Variants in KCNT2 observed in about 807,000 individuals in gnomAD.
KCNT2 encodes potassium sodium-activated channel subfamily T member 2.
Under a neutral mutation model 153.8 loss-of-function variants are expected in KCNT2, and 67 were observed. The observed-to-expected ratio is 0.44, with a 90% CI of 0.36 to 0.53. The LOEUF is 0.53. Among genes scored for constraint, KCNT2 ranks in the 20% least tolerant of loss-of-function variants. The pLI, the probability that KCNT2 is intolerant of heterozygous loss-of-function variation, is 0.00. For synonymous variants in KCNT2, 500 were observed against 458.8 expected (o/e 1.09, Z -1.15); for missense variants, 975 against 1,354.8 (o/e 0.72, Z 4.40).
At chr1:196,431,326 T>A (rs917820623) in intron 8 of KCNT2, among the ~76,000 whole-genome samples, 5 of 151,962 alleles carry the variant, frequency 3.3e-5, no homozygotes, top group African/African-American at 1.2e-4. Context: ...AATTGGGTAA[T>A]GGGTAGAGGT....
chr1:196,422,285 TC>T (rs1234703175), intron 12 of KCNT2, among the ~76,000 whole-genome samples: 2 of 151,928 alleles, frequency 1.3e-5, no homozygotes, highest in African/African-American at 4.8e-5. Context: ...ACCTGAAAGA[TC>T]TATGCACAGT....
At chr1:196,260,971 C>G (rs1420435515) in intron 25 of KCNT2, among the ~76,000 whole-genome samples, 2 of 151,658 alleles carry the variant, frequency 1.3e-5, no homozygotes, top group Non-Finnish European at 3.0e-5. Context: ...TCCACAATAT[C>G]AATAACACTA....
intron 8 of KCNT2, among the ~76,000 whole-genome samples, chr1:196,438,575 G>A (rs538283000): frequency 7.2e-5 from 11 of 151,938 alleles, no homozygotes; most frequent in Admixed American, 5.3e-4. Context: ...GTTGACCTTT[G>A]GAGGGTTGAC....
At chr1:196,298,158 C>G (rs1028222239) in intron 22 of KCNT2, among the ~76,000 whole-genome samples, 5 of 152,074 alleles carry the variant, frequency 3.3e-5, no homozygotes, top group Non-Finnish European at 7.4e-5. Context: ...TGTTTGCATT[C>G]TGACATAAAT....
rs189178639 is a variant in KCNT2, at chr1:196,339,151, C to T, written c.1783+1190G>A. ...TTTAGACAGAGGAATAATCAGTTTACGGACAATAGAATCCATGAGAACAGA... is the reference window on the plus strand; with the variant it reads ...TTTAGACAGAGGAATAATCAGTTTATGGACAATAGAATCCATGAGAACAGA... On this transcript the variant is annotated intron_variant, in intron 16 of 27. Coordinates refer to ENST00000294725, the MANE Select transcript of KCNT2 (RefSeq NM_198503.5). Among the ~76,000 whole-genome samples, 149 of 151,790 alleles carry T rather than the reference C, an allele frequency of 9.8e-4. 1 individual carries two copies. Among genetic ancestry groups the T allele is most frequent in the African/African-American group, 3.4e-3 (140 of 41,410 alleles).
At chr1:196,241,066 C>T (rs573123116) in intron 26 of KCNT2, among the ~76,000 whole-genome samples, 1 of 151,830 alleles carries the variant, frequency 6.6e-6, no homozygotes, top group South Asian at 2.1e-4. Context: ...GAAAGGAAGA[C>T]AGAGAAAGAG....
intron 8 of KCNT2, among the ~76,000 whole-genome samples, chr1:196,455,593 T>C (rs752067170): frequency 2.0e-5 from 3 of 152,170 alleles, no homozygotes; most frequent in Middle Eastern, 6.8e-3. Context: ...ATAGTATTGA[T>C]TAGTTATTCC....
chr1:196,251,180 A>AT (rs1225677673), intron 26 of KCNT2, among the ~76,000 whole-genome samples: 1 of 152,178 alleles, frequency 6.6e-6, no homozygotes, highest in Non-Finnish European at 1.5e-5. Context: ...TGTATTCACA[A>AT]TAGCCAAGAT....
chr1:196,254,646 T>C lies in KCNT2; in HGVS notation c.3211+3548A>G, dbSNP rs550026668. Reference sequence around the variant, plus strand: ...AAAACAGAAGATGATGGTCTTATTATTACTACTACCACCATCACCACTACT... The same window carrying C: ...AAAACAGAAGATGATGGTCTTATTACTACTACTACCACCATCACCACTACT... On this transcript the variant is annotated intron_variant, in intron 26 of 27. Coordinates refer to ENST00000294725, the MANE Select transcript of KCNT2 (RefSeq NM_198503.5). Among the ~76,000 whole-genome samples, 9 of 151,526 alleles carry C rather than the reference T, an allele frequency of 5.9e-5. 1 individual carries two copies. The South Asian group carries it at 1.9e-3, about 31-fold the overall frequency.
intron 5 of KCNT2, among the ~76,000 whole-genome samples, chr1:196,477,838 T>G (rs1028682099): frequency 6.6e-6 from 1 of 152,202 alleles, no homozygotes; most frequent in African/African-American, 2.4e-5. Flanking sequence ...ACCCTGGTGA[T>G]TAACCCATGC....
At chr1:196,304,246 C>A (rs1184737440) in intron 22 of KCNT2, among the ~76,000 whole-genome samples, 2 of 152,146 alleles carry the variant, frequency 1.3e-5, no homozygotes, top group Non-Finnish European at 1.5e-5. Flanking sequence ...AGGACAGCAT[C>A]TGGTCTGTCA....
intron 14 of KCNT2, among the ~76,000 whole-genome samples, chr1:196,372,441 A>G (rs1668618200): frequency 6.6e-6 from 1 of 151,948 alleles, no homozygotes; most frequent in African/African-American, 2.4e-5. Flanking sequence ...GAAATATGAC[A>G]AGATATGAAA....
At chr1:196,484,087 T>G (rs1339661636) in intron 3 of KCNT2, among the ~76,000 whole-genome samples, 1 of 152,108 alleles carries the variant, frequency 6.6e-6, no homozygotes, top group Non-Finnish European at 1.5e-5. Flanking sequence ...GTTACTATAT[T>G]GTCAAGTAGG....
intron 14 of KCNT2, among the ~76,000 whole-genome samples, chr1:196,357,129 A>G (rs1667240009): frequency 6.6e-6 from 1 of 151,814 alleles, no homozygotes; most frequent in Admixed American, 6.6e-5. Context: ...ACATCGTTGA[A>G]GTTGTAAATA....
At chr1:196,412,721 C>T (rs1229450452) in intron 12 of KCNT2, among the ~76,000 whole-genome samples, 1 of 151,278 alleles carries the variant, frequency 6.6e-6, no homozygotes, top group African/African-American at 2.4e-5. Flanking sequence ...AGTAAAGCAA[C>T]ACGAAAAAGG....
chr1:196,520,579 G>A (rs1305070879), intron 1 of KCNT2, among the ~76,000 whole-genome samples: 1 of 151,804 alleles, frequency 6.6e-6, no homozygotes. Flanking sequence ...CCCAAAGCAT[G>A]GTACTGGCAT....
intron 25 of KCNT2, among the ~76,000 whole-genome samples, chr1:196,274,145 A>G (rs1009184317): frequency 6.6e-6 from 1 of 151,642 alleles, no homozygotes; most frequent in Non-Finnish European, 1.5e-5. Flanking sequence ...CATATTGGCT[A>G]TGGAATCTAA....
chr1:196,535,924 A>G (rs1234649750), intron 1 of KCNT2, among the ~76,000 whole-genome samples: 1 of 152,212 alleles, frequency 6.6e-6, no homozygotes. Context: ...CTGCTGAGTC[A>G]CACTGTGTCA....
intron 14 of KCNT2, among the ~76,000 whole-genome samples, chr1:196,354,115 T>A (rs192966504): frequency 9.9e-4 from 151 of 151,990 alleles, no homozygotes; most frequent in Non-Finnish European, 1.8e-3. Flanking sequence ...TTATTTTTTT[T>A]AATTTTCATA....
Sources: gnomAD v4.1 joint callset for allele counts (sites outside exome capture counted in the v4.1 genomes callset) on GRCh38, gnomAD v4.1.1 for gene constraint, MANE v1.5 for transcripts, NCBI Gene and HGNC (gene_info 2026-07-23, HGNC 2026-07-21) for gene names.